The following POLR3A variants were observed in gnomAD, a reference collection of about 807,000 sequenced individuals.
The protein encoded by POLR3A is DNA-directed RNA polymerase III subunit RPC1.
A neutral mutation model predicts 152.8 loss-of-function variants in POLR3A; 112 were observed. The observed-to-expected ratio is 0.73, with a 90% CI of 0.63 to 0.86. POLR3A has a LOEUF of 0.86. Among genes scored for constraint, POLR3A ranks in the 40% least tolerant of loss-of-function variants. The pLI is 0.00. For missense variants in POLR3A, 1,385 were observed against 1,743.1 expected (o/e 0.79, Z 3.66); for synonymous variants, 615 against 652.1 (o/e 0.94, Z 0.87).
chr10:77,982,603 C>T, intron 27 of POLR3A, 50 bp downstream of exon 27: 10 of 1,548,674 alleles, frequency 6.5e-6, no homozygotes, highest in Non-Finnish European at 8.9e-6. Context: ...CCCTGGGTGT[C>T]ACACCACAGG....
intron 21 of POLR3A, among the ~76,000 whole-genome samples, chr10:77,989,733 GT>G (rs1257304197): frequency 6.6e-6 from 1 of 152,100 alleles, no homozygotes. Flanking sequence ...TGCTAAGTAC[GT>G]TACCTCGTTA....
intron 9 of POLR3A, among the ~76,000 whole-genome samples, chr10:78,018,032 A>G (rs755553986): frequency 1.3e-5 from 2 of 151,648 alleles, no homozygotes; most frequent in Non-Finnish European, 1.5e-5. Flanking sequence ...AAATTAGCCA[A>G]ACGTGGTGGG....
intron 11 of POLR3A, among the ~76,000 whole-genome samples, chr10:78,012,002 T>C (rs909063571): frequency 7.2e-5 from 11 of 152,192 alleles, no homozygotes; most frequent in Admixed American, 3.9e-4. Context: ...TGCAAGCTGA[T>C]AGCTATTATT....
At position 77,991,167 on chromosome 10, in the gene POLR3A, C is replaced by A; in HGVS notation, c.2788G>T (p.Ala930Ser). The stretch of plus-strand genomic sequence containing the variant: ...GGCTCACTGGGACACGGGAAGACTG[C>A]CTTGAGTATTAAAAGAAAATTGCAT... The part of the protein sequence containing the change: ...EFKRVLDNIK[A>S]VFPCPSEPAL... Residue 930 changes from alanine to serine, a missense_variant and splice_region_variant, in exon 21 of 31, where the codon GCA (alanine) becomes TCA (serine). Transcript: ENST00000372371. 1 of 1,591,356 alleles carries A rather than the reference C, an allele frequency of 6.3e-7. No individual in the cohort carries two copies. Among genetic ancestry groups the A allele is most frequent in the African/African-American group, 1.3e-5 (1 of 74,590 alleles).
chr10:78,004,321 G>A (rs1326970495), intron 16 of POLR3A, among the ~76,000 whole-genome samples: 4 of 152,202 alleles, frequency 2.6e-5, no homozygotes, highest in African/African-American at 9.7e-5. Context: ...GTTTCTACTT[G>A]AAGGATGCTG....
chr10:78,001,008 T>G lies in POLR3A; in HGVS notation c.2446A>C (p.Arg816=). Residue 816 remains arginine, a synonymous_variant, in exon 18 of 31, where the codon AGG becomes CGG. Coordinates refer to ENST00000372371, the MANE Select transcript of POLR3A (RefSeq NM_007055.4). ...GSRVPDGFEN[R]SLPHFEKHSK... is the part of the protein sequence containing the mutation. ...TGTTTTTCAAAATGAGGCAAGGACC[T>G]GTTTTCAAAGCCGTCTGGCACTCGA... 1 of 1,606,644 alleles carries G rather than the reference T, an allele frequency of 6.2e-7. No individual in the cohort carries two copies. The highest frequency in any genetic ancestry group is 1.1e-5 in the South Asian group (1 of 90,914).
intron 3 of POLR3A, 136 bp downstream of exon 3, chr10:78,025,486 T>G: frequency 1.2e-6 from 1 of 840,726 alleles, no homozygotes; most frequent in Non-Finnish European, 2.0e-6. Flanking sequence ...TAGTGTGAGA[T>G]GAAAATATTA....
At chr10:78,009,152 CAAAAA>C (rs59670962) in intron 14 of POLR3A, among the ~76,000 whole-genome samples, 1,666 of 32,950 alleles carry the variant, frequency 0.051, 29 homozygotes, top group African/African-American at 0.1. Context: ...GACTTAGTCT[CAAAAA>C]AAAAAAAAAA....
chr10:78,024,684 T>A lies in POLR3A; in HGVS notation c.510A>T (p.Gly170=), dbSNP rs757004315. ...ATTTCTCATGAATTATTTTCAGCAG[T>A]CCACACTTCTTTACGGTACCTATAA... is the stretch of plus-strand genomic sequence containing the variant. The part of the protein sequence containing the change: ...GAFNGTVKKC[G]LLKIIHEKYK... Residue 170 remains glycine, a synonymous_variant, in exon 5 of 31, where the codon GGA becomes GGT. Coordinates refer to ENST00000372371, the MANE Select transcript of POLR3A (RefSeq NM_007055.4). 2 of 1,613,592 alleles carry A rather than the reference T, an allele frequency of 1.2e-6. No individual in the cohort carries two copies. Among genetic ancestry groups the A allele is most frequent in the Non-Finnish European group, 8.5e-7 (1 of 1,179,632 alleles).
At chr10:77,991,606 T>G (rs1255510456) in intron 20 of POLR3A, among the ~76,000 whole-genome samples, 2 of 152,196 alleles carry the variant, frequency 1.3e-5, no homozygotes, top group Non-Finnish European at 2.9e-5. Flanking sequence ...CACTGCAACC[T>G]CTGCCTCCCA....
At chr10:78,025,797 G>A in intron 2 of POLR3A, 38 bp from the exon 3 acceptor site, 1 of 1,606,416 alleles carries the variant, frequency 6.2e-7, no homozygotes, top group Non-Finnish European at 8.5e-7. Flanking sequence ...AACACAGACT[G>A]CTGGACGGGA....
In POLR3A at chr10:77,981,472, C is replaced by T. The variant is rs775448817; in HGVS notation, c.3847G>A (p.Asp1283Asn). 9.9e-6 allele frequency: 16 copies of T among 1,614,028 alleles called. No homozygotes were observed. Among genetic ancestry groups the T allele is most frequent in the Admixed American group, 3.3e-5 (2 of 60,026 alleles). The stretch of plus-strand genomic sequence containing the variant: ...GAGAGCAGCATCACGTGCCTCCTGT[C>T]GATGCTCATGCCGTGGTTCACCATG... ...YTMVNHGMSI[D>N]RRHVMLLSDL... Residue 1283 changes from aspartate (D) to asparagine (N), a missense_variant, in exon 29 of 31, where the codon GAC becomes AAC. Transcript: ENST00000372371.
chr10:77,984,066 G>T (rs1847174013), intron 25 of POLR3A, 54 bp from the exon 26 acceptor site: 10 of 1,367,170 alleles, frequency 7.3e-6, no homozygotes, highest in Non-Finnish European at 9.4e-6. Flanking sequence ...TTTCCTAAGA[G>T]CACACGACTG....
intron 1 of POLR3A, among the ~76,000 whole-genome samples, chr10:78,027,949 G>A (rs1847653083): frequency 6.6e-6 from 1 of 152,130 alleles, no homozygotes; most frequent in African/African-American, 2.4e-5. Context: ...ATCTGACTGG[G>A]CGCAGGTGTA....
chr10:78,017,540 A>C lies in POLR3A; in HGVS notation c.1431+35T>G, dbSNP rs758605088. The C allele has an allele frequency of 2.5e-6, 4 of 1,610,070 alleles. No homozygotes were observed. In the South Asian group the frequency reaches 4.4e-5, roughly 18 times the overall value. ...CACTGAACAGTCATGGCAAATTTCT[A>C]CGTGATGGAAAATTTAAAAAGCAGT... On this transcript the variant is annotated intron_variant, in intron 10 of 30. Transcript: ENST00000372371.
At chr10:77,999,471 C>CTAGTT (rs1385586822) in intron 19 of POLR3A, among the ~76,000 whole-genome samples, 1 of 152,118 alleles carries the variant, frequency 6.6e-6, no homozygotes, top group Admixed American at 6.5e-5. Context: ...TGAGAAGCCT[C>CTAGTT]TAGTTTAGCC....
intron 17 of POLR3A, among the ~76,000 whole-genome samples, chr10:78,001,641 G>C (rs569003237): frequency 1.3e-5 from 2 of 152,248 alleles, no homozygotes; most frequent in South Asian, 4.1e-4. Context: ...GAGGGCCTCG[G>C]TATCTACAAA....
intron 21 of POLR3A, among the ~76,000 whole-genome samples, chr10:77,987,241 C>G (rs1847206459): frequency 6.6e-6 from 1 of 152,176 alleles, no homozygotes; most frequent in African/African-American, 2.4e-5. Flanking sequence ...ATCCCGGGAG[C>G]TGGCATCGGC....
At chr10:78,027,271 G>C in intron 1 of POLR3A, among the ~76,000 whole-genome samples, 1 of 152,218 alleles carries the variant, frequency 6.6e-6, no homozygotes, top group African/African-American at 2.4e-5. Context: ...GTATATACTG[G>C]AGCATAGAAA....
Sources: gnomAD v4.1 joint callset for allele counts (sites outside exome capture counted in the v4.1 genomes callset) on GRCh38, gnomAD v4.1.1 for gene constraint, MANE v1.5 for transcripts, NCBI Gene and HGNC (gene_info 2026-07-23, HGNC 2026-07-21) for gene names.